DCLK1: variants seen among roughly 807,000 people sequenced by gnomAD.
The protein encoded by DCLK1 is doublecortin like kinase 1.
Under a neutral mutation model 86.2 loss-of-function variants are expected in DCLK1, and 16 were observed. The observed-to-expected ratio is 0.19, with a 90% CI of 0.13 to 0.28. The LOEUF is 0.28. Ranked by LOEUF, DCLK1 falls within the 10% of genes least tolerant of loss-of-function variation. The pLI is 1.00. For synonymous variants in DCLK1, 369 were observed against 370.5 expected (o/e 1.00, Z 0.05); for missense variants, 590 against 940.2 (o/e 0.63, Z 4.87).
intron 4 of DCLK1, among the ~76,000 whole-genome samples, chr13:35,910,265 T>G (rs562667556): frequency 2.6e-5 from 4 of 152,338 alleles, no homozygotes; most frequent in African/African-American, 9.6e-5. Flanking sequence ...AAATGTACTC[T>G]GCAGCGATTG....
chr13:36,065,595 T>A (rs2153160159), intron 3 of DCLK1, among the ~76,000 whole-genome samples: 1 of 152,304 alleles, frequency 6.6e-6, no homozygotes, highest in South Asian at 2.1e-4. Context: ...AGTAGAGGTT[T>A]AAACCCTCTT....
intron 12 of DCLK1, among the ~76,000 whole-genome samples, chr13:35,809,479 T>C (rs551119654): frequency 2.2e-3 from 329 of 152,342 alleles, no homozygotes; most frequent in African/African-American, 7.6e-3. Context: ...TTCCAATTTA[T>C]AGAGCACTGA....
intron 6 of DCLK1, among the ~76,000 whole-genome samples, chr13:35,840,638 G>A (rs1248175752): frequency 1.3e-5 from 2 of 152,132 alleles, no homozygotes; most frequent in African/African-American, 2.4e-5. Context: ...AGTAAGCCTG[G>A]TGACTTGAGC....
At chr13:36,095,174 T>G (rs1194127746) in intron 3 of DCLK1, among the ~76,000 whole-genome samples, 2 of 95,718 alleles carry the variant, frequency 2.1e-5, no homozygotes, top group African/African-American at 4.0e-5. Context: ...TCTCTCTTTG[T>G]TTTTTTTTTT....
chr13:35,973,441 T>C (rs1879166683), intron 3 of DCLK1, among the ~76,000 whole-genome samples: 1 of 152,164 alleles, frequency 6.6e-6, no homozygotes, highest in South Asian at 2.1e-4. Flanking sequence ...TATGCCTTGA[T>C]TGGGCCAGAT....
chr13:35,913,312 G>A (rs994546367), intron 4 of DCLK1, among the ~76,000 whole-genome samples: 1 of 147,854 alleles, frequency 6.8e-6, no homozygotes, highest in African/African-American at 2.4e-5. Context: ...GAAGATAATG[G>A]TATATTCTTT....
At chr13:35,924,322 A>G (rs1013592957) in intron 4 of DCLK1, among the ~76,000 whole-genome samples, 6 of 152,192 alleles carry the variant, frequency 3.9e-5, no homozygotes, top group Admixed American at 3.9e-4. Flanking sequence ...GTCACCGTCA[A>G]GACCAAGTCC....
chr13:35,786,236 A>T (rs1042709709), intron 16 of DCLK1, among the ~76,000 whole-genome samples: 1 of 152,222 alleles, frequency 6.6e-6, no homozygotes, highest in Non-Finnish European at 1.5e-5. Flanking sequence ...CAAATTTAGT[A>T]ATTTAATTTT....
At chr13:36,129,311 A>G (rs1198057544) in intron 1 of DCLK1, among the ~76,000 whole-genome samples, 1 of 152,234 alleles carries the variant, frequency 6.6e-6, no homozygotes, top group African/African-American at 2.4e-5. Context: ...AGAAGAAAAG[A>G]ACAATTTAAA....
rs1176945825 is a variant in DCLK1 at position 36,122,157 on chromosome 13, C to G, written c.376+3605G>C. ...TAGGGAATAGGAAAAGATGGGTAACCCAGAGGCTGTGGTAGGAAAGAGATT... is the reference window on the plus strand; with the variant it reads ...TAGGGAATAGGAAAAGATGGGTAACGCAGAGGCTGTGGTAGGAAAGAGATT... On this transcript the variant is annotated intron_variant, in intron 2 of 16. Coordinates refer to ENST00000360631, the MANE Select transcript of DCLK1 (RefSeq NM_001330071.2). Among the ~76,000 whole-genome samples, 3 of 151,954 alleles carry G rather than the reference C, an allele frequency of 2.0e-5. No individual in the cohort carries two copies. In the East Asian group the frequency reaches 5.8e-4, roughly 29 times the overall value.
At chr13:35,996,088 C>T (rs1180556278) in intron 3 of DCLK1, among the ~76,000 whole-genome samples, 1 of 152,082 alleles carries the variant, frequency 6.6e-6, no homozygotes, top group African/African-American at 2.4e-5. Context: ...ACCACCACGC[C>T]CAGTTAATTT....
chr13:35,938,884 C>G (rs1876920945), intron 4 of DCLK1, among the ~76,000 whole-genome samples: 1 of 151,990 alleles, frequency 6.6e-6, no homozygotes, highest in East Asian at 1.9e-4. Flanking sequence ...AAAAGGAAGG[C>G]CTGTGAGGAC....
In DCLK1 at chr13:35,793,389, C is replaced by T; in HGVS notation, c.2035G>A (p.Ala679Thr). 6.2e-7 allele frequency: 1 copy of T among 1,607,224 alleles called. No individual in the cohort carries two copies. Among genetic ancestry groups the T allele is most frequent in the Non-Finnish European group, 8.5e-7 (1 of 1,176,496 alleles). Residue 679 changes from alanine (A) to threonine (T), a missense_variant, in exon 16 of 17, where the codon GCA becomes ACA. Around this residue, in one of 6 missense-constraint regions of DCLK1, gnomAD observed 146 missense variants for 190.2 expected, o/e 0.77. Coordinates refer to ENST00000360631, the MANE Select transcript of DCLK1 (RefSeq NM_001330071.2). ...ACTGCTATGACAGAAACTCCAGCTG[C>T]TGTGCTATTCGGCTTGGGGCCTGTG... is the stretch of plus-strand genomic sequence containing the variant. ...FNTGPKPNST[A>T]AGVSVIATTA...
intron 3 of DCLK1, among the ~76,000 whole-genome samples, chr13:36,045,679 C>T (rs1189302359): frequency 6.6e-6 from 1 of 151,640 alleles, no homozygotes; most frequent in Non-Finnish European, 1.5e-5. Flanking sequence ...TGGTAAAACC[C>T]CATATCCACT....
intron 3 of DCLK1, among the ~76,000 whole-genome samples, chr13:36,031,488 C>T (rs1345631065): frequency 5.9e-5 from 9 of 152,162 alleles, no homozygotes; most frequent in Admixed American, 2.0e-4. Context: ...TGTATGTGTT[C>T]GTACATATGT....
At chr13:35,845,994 A>G in intron 6 of DCLK1, 1 of 985,412 alleles carries the variant, frequency 1.0e-6, no homozygotes, top group Non-Finnish European at 1.2e-6. Context: ...GTGAAACACA[A>G]GGTACAACAT....
chr13:36,109,839 A>G (rs7997103), intron 3 of DCLK1, among the ~76,000 whole-genome samples: 50,067 of 152,134 alleles, frequency 0.33, 8,950 homozygotes, highest in East Asian at 0.71. Context: ...TAAACTAGCC[A>G]TTATCAAATA....
intron 4 of DCLK1, among the ~76,000 whole-genome samples, chr13:35,946,045 C>G (rs1229585108): frequency 6.6e-6 from 1 of 152,158 alleles, no homozygotes; most frequent in Non-Finnish European, 1.5e-5. Flanking sequence ...CAGGGTCTTG[C>G]TCTATCGCCC....
chr13:35,923,072 A>G (rs1875891184), intron 4 of DCLK1, among the ~76,000 whole-genome samples: 1 of 152,098 alleles, frequency 6.6e-6, no homozygotes, highest in African/African-American at 2.4e-5. Context: ...AGTAACTGCT[A>G]TGAATCAATT....
Sources: allele counts gnomAD v4.1 joint callset (sites outside exome capture counted in the v4.1 genomes callset), GRCh38; gene constraint gnomAD v4.1.1; regional missense constraint gnomAD v4.1.1; transcripts MANE v1.5; gene names NCBI Gene and HGNC (gene_info 2026-07-23, HGNC 2026-07-21).